PYY: variants seen among roughly 807,000 people sequenced by gnomAD.
The protein encoded by PYY is peptide YY.
In PYY, 12 loss-of-function variants were observed where a neutral mutation model predicts 10.3. The ratio of observed to expected loss-of-function variants is 1.17; its 90% CI spans 0.75 to 1.89. The LOEUF (loss-of-function observed/expected upper bound fraction) is 1.89. Ranked by LOEUF, PYY falls within the 40% of genes most tolerant of loss-of-function variation. The probability of loss-of-function intolerance (pLI) is 0.00; values close to 1 mark genes in which losing one functional copy is unlikely to be tolerated. For synonymous variants in PYY, 66 were observed against 62.0 expected, an observed-to-expected ratio of 1.06 and a Z score of -0.30; for missense variants, 141 against 134.0, an observed-to-expected ratio of 1.05 and a Z score of -0.26.
intron 1 of PYY, among the ~76,000 whole-genome samples, chr17:43,973,749 C>T (rs1047598214): frequency 6.6e-6 from 1 of 152,198 alleles, no homozygotes; most frequent in Admixed American, 6.5e-5. Flanking sequence ...GAGCCAAGAT[C>T]GTGCCTCTGC....
chr17:43,960,585 C>T (rs1432533927), intron 2 of PYY, among the ~76,000 whole-genome samples: 1 of 148,440 alleles, frequency 6.7e-6, no homozygotes, highest in Non-Finnish European at 1.5e-5. Context: ...CGCAGTGGCT[C>T]ACGCCTGTAA....
At chr17:43,998,918 A>T (rs57793004) in intron 1 of PYY, among the ~76,000 whole-genome samples, 5 of 152,038 alleles carry the variant, frequency 3.3e-5, no homozygotes, top group Admixed American at 6.6e-5. Flanking sequence ...AGGTAGTTAG[A>T]GACACAGATC....
At chr17:44,001,356 A>C (rs913684590) in intron 1 of PYY, among the ~76,000 whole-genome samples, 3 of 152,174 alleles carry the variant, frequency 2.0e-5, no homozygotes, top group African/African-American at 7.2e-5. Context: ...ACCTGGGCAC[A>C]ATGACAACAG....
chr17:43,992,409 C>T (rs564372201), intron 1 of PYY, among the ~76,000 whole-genome samples: 6 of 152,058 alleles, frequency 3.9e-5, no homozygotes, highest in African/African-American at 7.2e-5. Context: ...GGTGAAACCC[C>T]GTCTCTACTA....
intron 1 of PYY, among the ~76,000 whole-genome samples, chr17:43,970,201 T>TAAA (rs59609569): frequency 2.1e-5 from 2 of 95,580 alleles, no homozygotes; most frequent in African/African-American, 3.7e-5. Flanking sequence ...CCCTGTCTCT[T>TAAA]AAAAAAAAAA....
intron 2 of PYY, among the ~76,000 whole-genome samples, chr17:43,963,594 G>GAAAGAA (rs1555617116): frequency 6.3e-5 from 5 of 79,220 alleles, no homozygotes; most frequent in African/African-American, 1.9e-4. Context: ...AAGAAAGAAA[G>GAAAGAA]AAAGAAAGAA....
chr17:43,953,068 G>A, intron 3 of PYY, 41 bp downstream of exon 3: 1 of 1,608,942 alleles, frequency 6.2e-7, no homozygotes, highest in Non-Finnish European at 8.5e-7. Flanking sequence ...GGGCCAGGCC[G>A]CGCTCTCGGA....
At chr17:43,996,460 T>C (rs528536766) in intron 1 of PYY, among the ~76,000 whole-genome samples, 68 of 151,864 alleles carry the variant, frequency 4.5e-4, no homozygotes, top group Non-Finnish European at 8.7e-4. Flanking sequence ...AGCCATGGGG[T>C]TTTGGGGTAA....
intron 2 of PYY, among the ~76,000 whole-genome samples, chr17:43,964,353 A>G (rs951106128): frequency 6.6e-6 from 1 of 152,222 alleles, no homozygotes; most frequent in Non-Finnish European, 1.5e-5. Context: ...TTATGCCCAT[A>G]AGCTTTTCCT....
At chr17:43,990,614 T>C (rs2048950638) in intron 1 of PYY, among the ~76,000 whole-genome samples, 2 of 151,912 alleles carry the variant, frequency 1.3e-5, no homozygotes, top group Admixed American at 6.6e-5. Flanking sequence ...AATCGGGAGA[T>C]ACAAGGCACA....
intron 1 of PYY, among the ~76,000 whole-genome samples, chr17:43,998,529 A>T (rs1296346975): frequency 6.6e-6 from 1 of 151,984 alleles, no homozygotes; most frequent in Non-Finnish European, 1.5e-5. Flanking sequence ...CTGCACTTCA[A>T]TCTGGGTGAC....
At chr17:43,989,402 C>T (rs1035647465) in intron 1 of PYY, among the ~76,000 whole-genome samples, 2 of 151,496 alleles carry the variant, frequency 1.3e-5, no homozygotes, top group Admixed American at 6.6e-5. Flanking sequence ...AAACAAAAAA[C>T]ACACATAACA....
rs374040558 is a variant in PYY, at chr17:43,987,488, G to A, written c.-463+16903C>T. On this transcript the variant is annotated intron_variant, in intron 1 of 6. Coordinates refer to the PYY transcript ENST00000360085. This position sits in a 1 kb window ranked among gnomAD's most constrained non-coding sequence, Gnocchi z 4.0. The stretch of plus-strand genomic sequence containing the variant: ...CCCTGCTACTGATGGAATTCAGCTC[G>A]AAGATCAGACCTTGAGAGGTCGACC... Among the ~76,000 whole-genome samples, 2 of 152,202 alleles carry A rather than the reference G, an allele frequency of 1.3e-5. No homozygotes were observed. The highest frequency in any genetic ancestry group is 2.4e-5 in the African/African-American group (1 of 41,446).
chr17:43,986,752 A>G (rs1645959605), intron 1 of PYY, among the ~76,000 whole-genome samples: 1 of 152,218 alleles, frequency 6.6e-6, no homozygotes, highest in African/African-American at 2.4e-5. Flanking sequence ...AGCCACCGTC[A>G]GCGCAGCCTG....
chr17:43,956,295 A>G (rs988896705), upstream of PYY, among the ~76,000 whole-genome samples: 6 of 151,782 alleles, frequency 4.0e-5, no homozygotes, highest in African/African-American at 1.2e-4. Flanking sequence ...CCACCCTCCA[A>G]TCTCACTCCC....
intron 1 of PYY, among the ~76,000 whole-genome samples, chr17:43,983,569 C>T (rs2048896625): frequency 6.6e-6 from 1 of 152,204 alleles, no homozygotes. Flanking sequence ...GGGATGAGGA[C>T]CATGCCCTGG....
chr17:43,989,982 A>G (rs956797412), intron 1 of PYY, among the ~76,000 whole-genome samples: 11 of 150,274 alleles, frequency 7.3e-5, no homozygotes, highest in Non-Finnish European at 1.5e-4. Context: ...AAGGAACCAT[A>G]CCAACATTGG....
intron 1 of PYY, among the ~76,000 whole-genome samples, chr17:44,002,946 A>G (rs760160618): frequency 6.6e-6 from 1 of 152,228 alleles, no homozygotes; most frequent in Non-Finnish European, 1.5e-5. Context: ...CCATGTTACC[A>G]AGAAAGCAGG....
intron 1 of PYY, among the ~76,000 whole-genome samples, chr17:43,993,099 A>T (rs1164738879): frequency 1.3e-5 from 2 of 152,138 alleles, no homozygotes; most frequent in Non-Finnish European, 2.9e-5. Context: ...GGAATGCTTG[A>T]GCCCAGGAAT....
Sources: allele counts gnomAD v4.1 joint callset (sites outside exome capture counted in the v4.1 genomes callset), GRCh38; gene constraint gnomAD v4.1.1; non-coding constraint Gnocchi (gnomAD v3.1); transcripts MANE v1.5; gene names NCBI Gene and HGNC (gene_info 2026-07-23, HGNC 2026-07-21).